SEC23A: variants seen among roughly 807,000 people sequenced by gnomAD.
SEC23A encodes the protein SEC23 homolog A, COPII component.
Under a neutral mutation model 103.7 loss-of-function variants are expected in SEC23A, and 56 were observed. That is an observed-to-expected ratio of 0.54 (90% CI 0.44 to 0.67). The LOEUF (loss-of-function observed/expected upper bound fraction) is 0.67. SEC23A is among the 30% of genes least tolerant of loss of function. The probability of loss-of-function intolerance (pLI) is 0.00; values close to 1 mark genes in which losing one functional copy is unlikely to be tolerated. For synonymous variants in SEC23A, 281 were observed against 293.0 expected (o/e 0.96, Z 0.42); for missense variants, 784 against 936.4 (o/e 0.84, Z 2.12).
At chr14:39,061,294 T>C (rs1202504123) in intron 13 of SEC23A, among the ~76,000 whole-genome samples, 1 of 152,090 alleles carries the variant, frequency 6.6e-6, no homozygotes, top group Non-Finnish European at 1.5e-5. Context: ...TCCGCATTCA[T>C]ACTCTCCTAA....
At chr14:39,099,502 A>G (rs1209011280) in intron 1 of SEC23A, among the ~76,000 whole-genome samples, 1 of 152,176 alleles carries the variant, frequency 6.6e-6, no homozygotes, top group African/African-American at 2.4e-5. Flanking sequence ...AAGCTTGACA[A>G]GTTCCTAATA....
At chr14:39,037,708 T>C (rs1222034473) in intron 19 of SEC23A, among the ~76,000 whole-genome samples, 4 of 152,198 alleles carry the variant, frequency 2.6e-5, no homozygotes, top group African/African-American at 9.6e-5. Context: ...TATATTCAAA[T>C]CTCACAAATT....
At position 39,096,073 on chromosome 14, in the gene SEC23A, C is replaced by T. The variant is rs1469343433; in HGVS notation, c.46G>A (p.Gly16Arg). 1.2e-6 allele frequency: 2 copies of T among 1,614,038 alleles called. No individual in the cohort carries two copies. Among genetic ancestry groups the T allele is most frequent in the Non-Finnish European group, 1.7e-6 (2 of 1,179,936 alleles). ...EFIQQNEERD[G>R]VRFSWNVWPS... Reference sequence around the variant, plus strand: ...CAAACATTCCAACTAAATCGGACTCCATCTCGTTCTTCATTTTGTTGAATG... The same window carrying T: ...CAAACATTCCAACTAAATCGGACTCTATCTCGTTCTTCATTTTGTTGAATG... Residue 16 changes from glycine (G) to arginine (R), a missense_variant, in exon 2 of 20, where the codon GGA becomes AGA. Gly to Arg is a moderately radical substitution (Grantham distance 125). This residue lies in a region of SEC23A where 683 missense variants were observed against 774.2 expected (regional missense o/e 0.88). Transcript: ENST00000307712.
At chr14:39,039,382 G>A in intron 18 of SEC23A, 1 of 326,202 alleles carries the variant, frequency 3.1e-6, no homozygotes, top group East Asian at 5.8e-5. Flanking sequence ...ATTATGACAA[G>A]GTTGGTGTGA....
At chr14:39,035,631 A>G (rs1055018550) in intron 19 of SEC23A, among the ~76,000 whole-genome samples, 1 of 152,088 alleles carries the variant, frequency 6.6e-6, no homozygotes, top group Non-Finnish European at 1.5e-5. Flanking sequence ...CTGGGATTCA[A>G]TTTATTTACC....
chr14:39,084,140 G>A (rs1166254504), intron 7 of SEC23A, among the ~76,000 whole-genome samples: 5 of 151,636 alleles, frequency 3.3e-5, no homozygotes, highest in African/African-American at 1.2e-4. Context: ...TCCTGCCTCA[G>A]CCTCCCGAGT....
chr14:39,090,387 A>G (rs1887616971), intron 5 of SEC23A, among the ~76,000 whole-genome samples: 1 of 152,130 alleles, frequency 6.6e-6, no homozygotes, highest in Admixed American at 6.6e-5. Context: ...TTACTCTCTT[A>G]TGGACTATCA....
intron 19 of SEC23A, among the ~76,000 whole-genome samples, chr14:39,037,462 A>G (rs945197501): frequency 4.6e-5 from 7 of 152,196 alleles, no homozygotes; most frequent in African/African-American, 1.4e-4. Context: ...CCCATATAGC[A>G]TACCTACATT....
intron 7 of SEC23A, among the ~76,000 whole-genome samples, chr14:39,078,305 C>G (rs1370184929): frequency 6.6e-6 from 1 of 151,918 alleles, no homozygotes; most frequent in Non-Finnish European, 1.5e-5. Context: ...ATAATGCAAG[C>G]AGTAGATCAG....
chr14:39,059,265 C>A (rs1223643894), intron 13 of SEC23A, among the ~76,000 whole-genome samples: 1 of 107,830 alleles, frequency 9.3e-6, no homozygotes, highest in Admixed American at 1.2e-4. Context: ...CCCCTAAAGT[C>A]ATAGTCCTAG....
chr14:39,082,215 C>T (rs1887250708), intron 7 of SEC23A, among the ~76,000 whole-genome samples: 1 of 151,688 alleles, frequency 6.6e-6, no homozygotes, highest in Non-Finnish European at 1.5e-5. Flanking sequence ...AGAATACACC[C>T]AGTGTGTATT....
chr14:39,040,336 G>A (rs1478042772), intron 18 of SEC23A: 1 of 179,156 alleles, frequency 5.6e-6, no homozygotes, highest in East Asian at 1.6e-4. Flanking sequence ...ATAGAATGAA[G>A]ACAATGAAAA....
chr14:39,064,696 A>G, intron 11 of SEC23A: 1 of 552,392 alleles, frequency 1.8e-6, no homozygotes. Context: ...TGCCACCCCA[A>G]GTTTTTATTG....
At chr14:39,055,410 A>ATTT (rs11301994) in intron 13 of SEC23A, 114 bp from the exon 14 acceptor site, 11,584 of 814,128 alleles carry the variant, frequency 0.014, 8 homozygotes, top group Non-Finnish European at 0.017. Context: ...AACTACTAGG[A>ATTT]TTTTTTTTTT....
At chr14:39,049,427 G>C (rs1254162054) in intron 14 of SEC23A, among the ~76,000 whole-genome samples, 2 of 151,468 alleles carry the variant, frequency 1.3e-5, no homozygotes, top group Non-Finnish European at 2.9e-5. Context: ...AGTGAGCTGA[G>C]ATCGTGCCAC....
intron 9 of SEC23A, among the ~76,000 whole-genome samples, chr14:39,069,209 T>C (rs1448566888): frequency 2.0e-5 from 3 of 152,222 alleles, no homozygotes; most frequent in Admixed American, 6.5e-5. Flanking sequence ...CCATCTGTGC[T>C]ACCATCACTT....
intron 2 of SEC23A, among the ~76,000 whole-genome samples, chr14:39,095,678 G>A (rs1202918289): frequency 1.3e-5 from 2 of 152,130 alleles, no homozygotes; most frequent in Non-Finnish European, 2.9e-5. Context: ...GAATCTAACA[G>A]TTTTTATAGT....
At chr14:39,091,225 T>G in intron 5 of SEC23A, 1 of 507,486 alleles carries the variant, frequency 2.0e-6, no homozygotes, top group Non-Finnish European at 3.5e-6. Context: ...CCTTCAAATC[T>G]CTAGTAAAAT....
In SEC23A at chr14:39,043,143, G is replaced by A. The variant is rs6571888; in HGVS notation, c.1900-271C>T. On this transcript the variant is annotated intron_variant, in intron 16 of 19. Coordinates refer to ENST00000307712, the MANE Select transcript of SEC23A (RefSeq NM_006364.4). ...AGGTGTGTAACACCATGTCCAGCTA[G>A]TTTTTTCATTTTTTTGTTTGTAGAG... Among the ~76,000 whole-genome samples the A allele has an allele frequency of 0.93, 140,705 of 151,978 alleles. 65,231 individuals carry two copies. Among genetic ancestry groups the A allele is most frequent in the East Asian group, 0.97 (4,996 of 5,150 alleles).
Sources: gnomAD v4.1 joint callset for allele counts (sites outside exome capture counted in the v4.1 genomes callset) on GRCh38, gnomAD v4.1.1 for gene constraint, gnomAD v4.1.1 regional missense constraint, MANE v1.5 for transcripts, NCBI Gene and HGNC (gene_info 2026-07-23, HGNC 2026-07-21) for gene names.